The following EPHA6 variants were observed in gnomAD, a reference collection of about 807,000 sequenced individuals.
EPHA6 encodes ephrin type-A receptor 6.
In EPHA6, 50 loss-of-function variants were observed where a neutral mutation model predicts 112.0. The ratio of observed to expected loss-of-function variants is 0.45; its 90% confidence interval spans 0.36 to 0.56. EPHA6 has a LOEUF of 0.56. Among genes scored for constraint, EPHA6 ranks in the 20% least tolerant of loss-of-function variants. The pLI, the probability that EPHA6 is intolerant of heterozygous loss-of-function variation, is 0.00. For missense variants in EPHA6, 1,280 were observed against 1,417.4 expected (o/e 0.90, Z 1.56); for synonymous variants, 529 against 490.7 (o/e 1.08, Z -1.03).
chr3:97,000,354 CT>C lies in EPHA6; in HGVS notation c.1114+12368del, dbSNP rs962854760. ...ATATATATGTATACACACACGTGTGCTTTTTTTATATATTTTATATATATAT... is the reference window on the plus strand; with the variant it reads ...ATATATATGTATACACACACGTGTGCTTTTTTATATATTTTATATATATAT... On this transcript the variant is annotated intron_variant, in intron 3 of 17. Coordinates refer to ENST00000389672, the MANE Select transcript of EPHA6 (RefSeq NM_001080448.3). Among the ~76,000 whole-genome samples, 8 of 149,442 alleles carry C rather than the reference CT, an allele frequency of 5.4e-5. No homozygotes were observed. In the South Asian group the frequency reaches 8.4e-4, roughly 16 times the overall value.
intron 7 of EPHA6, among the ~76,000 whole-genome samples, chr3:97,464,696 G>A (rs2091000682): frequency 6.6e-6 from 1 of 151,986 alleles, no homozygotes; most frequent in South Asian, 2.1e-4. Context: ...AGGTGTTGTT[G>A]CAAGTCATCA....
At chr3:97,503,157 A>C (rs1032425022) in intron 10 of EPHA6, among the ~76,000 whole-genome samples, 1 of 152,142 alleles carries the variant, frequency 6.6e-6, no homozygotes, top group African/African-American at 2.4e-5. Context: ...TTGGAAAATT[A>C]TATATTACAA....
At chr3:97,298,339 G>T (rs2080953245) in intron 5 of EPHA6, among the ~76,000 whole-genome samples, 1 of 152,100 alleles carries the variant, frequency 6.6e-6, no homozygotes, top group Non-Finnish European at 1.5e-5. Flanking sequence ...TCTCAGTGTG[G>T]CTATGATTGC....
chr3:97,037,596 G>A (rs1176428520), intron 3 of EPHA6, among the ~76,000 whole-genome samples: 1 of 152,054 alleles, frequency 6.6e-6, no homozygotes, highest in Non-Finnish European at 1.5e-5. Context: ...TTTGAGTTTT[G>A]CTCTACATGC....
chr3:97,052,368 A>C (rs2045711560), intron 3 of EPHA6, among the ~76,000 whole-genome samples: 1 of 151,980 alleles, frequency 6.6e-6, no homozygotes, highest in African/African-American at 2.4e-5. Flanking sequence ...CCTACTTCCT[A>C]CTCTGAGGAG....
chr3:96,900,517 T>C (rs1435431458), intron 2 of EPHA6, among the ~76,000 whole-genome samples: 2 of 152,126 alleles, frequency 1.3e-5, no homozygotes, highest in African/African-American at 4.8e-5. Flanking sequence ...TCATTGAAAA[T>C]ACTCTGACAC....
At chr3:97,610,390 T>A (rs2093709763) in intron 12 of EPHA6, among the ~76,000 whole-genome samples, 1 of 151,624 alleles carries the variant, frequency 6.6e-6, no homozygotes, top group Non-Finnish European at 1.5e-5. Flanking sequence ...CAGGCAAAAT[T>A]GCTGCACTGC....
At chr3:97,611,183 C>T (rs907266961) in intron 13 of EPHA6, among the ~76,000 whole-genome samples, 6 of 151,656 alleles carry the variant, frequency 4.0e-5, no homozygotes, top group Admixed American at 2.0e-4. Flanking sequence ...ATTAATTTTG[C>T]TTTATCACAT....
intron 1 of EPHA6, among the ~76,000 whole-genome samples, chr3:96,850,480 G>T (rs2035319226): frequency 6.6e-6 from 1 of 152,100 alleles, no homozygotes; most frequent in Admixed American, 6.6e-5. Context: ...AAGACGTGAG[G>T]AAGAAGTTGA....
intron 7 of EPHA6, among the ~76,000 whole-genome samples, chr3:97,454,702 C>T (rs1047786509): frequency 6.6e-6 from 1 of 151,838 alleles, no homozygotes; most frequent in African/African-American, 2.4e-5. Context: ...CTTCCCTAAA[C>T]TCTTTTTTAA....
At chr3:97,163,837 T>G (rs879369828) in intron 3 of EPHA6, among the ~76,000 whole-genome samples, 1 of 152,190 alleles carries the variant, frequency 6.6e-6, no homozygotes, top group Non-Finnish European at 1.5e-5. Context: ...AGAATTCTAT[T>G]TCTTCCCAGT....
At chr3:96,985,449 G>A (rs978327453) in intron 2 of EPHA6, among the ~76,000 whole-genome samples, 3 of 151,886 alleles carry the variant, frequency 2.0e-5, no homozygotes, top group Non-Finnish European at 4.4e-5. Context: ...GTTATATTTA[G>A]AATGATTATA....
rs193223168 is a variant in EPHA6 at position 96,972,285 on chromosome 3, A to T, written c.451-15045A>T. ...ATGTCCTTTTTAGTCTATAACTGGGATCTGTTAGAAATTGAGGAGGAAATA... is the reference window on the plus strand; with the variant it reads ...ATGTCCTTTTTAGTCTATAACTGGGTTCTGTTAGAAATTGAGGAGGAAATA... On this transcript the variant is annotated intron_variant, in intron 2 of 17. Coordinates refer to ENST00000389672, the MANE Select transcript of EPHA6 (RefSeq NM_001080448.3). Among the ~76,000 whole-genome samples the T allele has an allele frequency of 1.2e-3, 180 of 152,204 alleles. 1 individual carries two copies. The highest frequency in any genetic ancestry group is 4.1e-3 in the African/African-American group (171 of 41,546).
At chr3:97,521,061 T>A (rs1371928091) in intron 10 of EPHA6, among the ~76,000 whole-genome samples, 2 of 152,048 alleles carry the variant, frequency 1.3e-5, no homozygotes, top group African/African-American at 4.8e-5. Context: ...TCTTTTTTTA[T>A]AATATCTATC....
At chr3:97,175,100 T>C (rs914452127) in intron 3 of EPHA6, among the ~76,000 whole-genome samples, 1 of 151,988 alleles carries the variant, frequency 6.6e-6, no homozygotes, top group Admixed American at 6.6e-5. Flanking sequence ...GGGTCTAGTT[T>C]CATTATTTTG....
At chr3:97,614,501 A>ATTTTTTT (rs35126699) in intron 13 of EPHA6, among the ~76,000 whole-genome samples, 132 of 98,170 alleles carry the variant, frequency 1.3e-3, no homozygotes, top group African/African-American at 1.9e-3. Flanking sequence ...CACCCAGCTA[A>ATTTTTTT]TTTTTTTTTT....
At chr3:97,608,800 C>A (rs2093697841) in intron 12 of EPHA6, among the ~76,000 whole-genome samples, 1 of 151,368 alleles carries the variant, frequency 6.6e-6, no homozygotes, top group East Asian at 1.9e-4. Flanking sequence ...AGGTGCATCA[C>A]TGGAAAGAAT....
chr3:97,288,309 T>C (rs867135397), intron 5 of EPHA6, among the ~76,000 whole-genome samples: 2 of 152,150 alleles, frequency 1.3e-5, no homozygotes, highest in Non-Finnish European at 2.9e-5. Flanking sequence ...AACTTTTAGC[T>C]CCCACTTAAA....
chr3:97,461,358 T>A (rs535172427), intron 7 of EPHA6, among the ~76,000 whole-genome samples: 1 of 152,306 alleles, frequency 6.6e-6, no homozygotes, highest in Non-Finnish European at 1.5e-5. Context: ...TATGGGACTT[T>A]GAATAAGTCA....
Sources: allele counts gnomAD v4.1 joint callset (sites outside exome capture counted in the v4.1 genomes callset), GRCh38; gene constraint gnomAD v4.1.1; transcripts MANE v1.5; gene names NCBI Gene and HGNC (gene_info 2026-07-23, HGNC 2026-07-21).